The following DAB2IP variants were observed in gnomAD, a reference collection of about 807,000 sequenced individuals.
DAB2IP encodes the protein DAB2 interacting protein, also known as disabled homolog 2-interacting protein.
Under a neutral mutation model 107.2 loss-of-function variants are expected in DAB2IP, and 28 were observed. The ratio of observed to expected loss-of-function variants is 0.26; its 90% CI spans 0.19 to 0.36. DAB2IP has a LOEUF of 0.36. Ranked by LOEUF, DAB2IP falls within the 10% of genes least tolerant of loss-of-function variation. The pLI is 1.00. For synonymous variants in DAB2IP, 755 were observed against 706.4 expected (o/e 1.07, Z -1.09); for missense variants, 1,400 against 1,644.7 (o/e 0.85, Z 2.57).
chr9:121,776,452 C>T lies in DAB2IP; in HGVS notation c.3314+61C>T, dbSNP rs1835206802. 3.5e-6 allele frequency: 5 copies of T among 1,443,596 alleles called. No individual in the cohort carries two copies. Among genetic ancestry groups the T allele is most frequent in the South Asian group, 2.9e-5 (2 of 68,362 alleles). The allele number at this position is 1,443,596 out of a possible 1,614,324, so 89.4% of individuals were successfully genotyped here. A position where few individuals can be genotyped will look rare whatever the true frequency, so the allele number is the denominator to read the frequency against. ...CAGGCAGGGCAGCCATCGCTGCCTT[C>T]GAGGAGGCCCCTGGTCGGGGAGCCT... On this transcript the variant is annotated intron_variant, in intron 14 of 15. Coordinates refer to ENST00000408936, the Ensembl canonical transcript of DAB2IP. The surrounding 1 kb of genome is among the most constrained non-coding windows in gnomAD (Gnocchi z 5.4).
At chr9:121,721,989 C>G (rs1389863238) in intron 3 of DAB2IP, among the ~76,000 whole-genome samples, 1 of 152,182 alleles carries the variant, frequency 6.6e-6, no homozygotes, top group Non-Finnish European at 1.5e-5. Context: ...CCCAGGCTGC[C>G]CTGAGAGCCT....
chr9:121,737,096 A>G, intron 3 of DAB2IP: 1 of 783,166 alleles, frequency 1.3e-6, no homozygotes, highest in South Asian at 5.8e-5. Flanking sequence ...GGCTTGGGGC[A>G]GGATATGACC....
chr9:121,768,078 A>G (rs1834414309), intron 9 of DAB2IP, among the ~76,000 whole-genome samples: 1 of 152,084 alleles, frequency 6.6e-6, no homozygotes, highest in Admixed American at 6.5e-5. Context: ...ATATATTAAT[A>G]CATGCCTGAA....
chr9:121,706,130 C>A (rs775737336), intron 3 of DAB2IP, among the ~76,000 whole-genome samples: 1 of 152,196 alleles, frequency 6.6e-6, no homozygotes, highest in East Asian at 1.9e-4. Context: ...GCACGAAGAA[C>A]CTCTGGTGGT....
At chr9:121,667,857 C>A (rs901473308) in intron 1 of DAB2IP, among the ~76,000 whole-genome samples, 6 of 152,172 alleles carry the variant, frequency 3.9e-5, no homozygotes, top group African/African-American at 1.4e-4. Flanking sequence ...CTGATAAAGA[C>A]ATACCCAAGA....
chr9:121,574,519 G>A lies in DAB2IP; in HGVS notation c.40+7291G>A, dbSNP rs559509878. On this transcript the variant is annotated intron_variant, in intron 1 of 16. Coordinates refer to the DAB2IP transcript ENST00000259371. ...ATTAGGCCAAGGATGCAGAGCTGGG[G>A]TCCTATTTATGAGCATTTACTGTGT... is the stretch of plus-strand genomic sequence containing the variant. 2.6e-5 allele frequency among the ~76,000 whole-genome samples: 4 copies of A among 152,160 alleles called. No individual in the cohort carries two copies. In the South Asian group the frequency reaches 6.2e-4, roughly 24 times the overall value.
At chr9:121,674,910 A>G (rs977132786) in intron 1 of DAB2IP, among the ~76,000 whole-genome samples, 1 of 151,184 alleles carries the variant, frequency 6.6e-6, no homozygotes, top group East Asian at 2.0e-4. Context: ...GTGTGTGTGT[A>G]TGTGTCAGGA....
intron 1 of DAB2IP, among the ~76,000 whole-genome samples, chr9:121,661,620 G>T (rs1457517130): frequency 6.6e-6 from 1 of 152,048 alleles, no homozygotes; most frequent in African/African-American, 2.4e-5. Context: ...GTTATGGAAG[G>T]TCCCCGGGAG....
intron 3 of DAB2IP, among the ~76,000 whole-genome samples, chr9:121,745,240 G>C (rs1832644575): frequency 6.6e-6 from 1 of 152,204 alleles, no homozygotes; most frequent in Admixed American, 6.5e-5. Flanking sequence ...AGGTATGTGG[G>C]CTCACTGTGG....
intron 1 of DAB2IP, among the ~76,000 whole-genome samples, chr9:121,618,021 G>T (rs1405871151): frequency 6.6e-6 from 1 of 152,180 alleles, no homozygotes; most frequent in Non-Finnish European, 1.5e-5. Context: ...CACCTTTTGT[G>T]GCCAGCTCAG....
At chr9:121,621,443 C>G (rs1361684312) in intron 1 of DAB2IP, among the ~76,000 whole-genome samples, 2 of 152,118 alleles carry the variant, frequency 1.3e-5, no homozygotes, top group African/African-American at 4.8e-5. Flanking sequence ...CAACCCACTC[C>G]ATGGCCTCTA....
exon 16 of DAB2IP, chr9:121,783,615 G>T: frequency 2.5e-6 from 4 of 1,580,288 alleles, no homozygotes; most frequent in Non-Finnish European, 3.5e-6. Context: ...CACTGCATGG[G>T]AAATAGCGGC....
intron 1 of DAB2IP, among the ~76,000 whole-genome samples, chr9:121,591,901 G>T (rs1830428475): frequency 6.6e-6 from 1 of 152,180 alleles, no homozygotes; most frequent in African/African-American, 2.4e-5. Flanking sequence ...AGGAGGAGAA[G>T]TGACCAGAGA....
chr9:121,756,826 G>A (rs1023351516), intron 3 of DAB2IP, among the ~76,000 whole-genome samples, 187 bp from the exon 4 acceptor site: 2 of 152,208 alleles, frequency 1.3e-5, no homozygotes, highest in African/African-American at 2.4e-5. Context: ...TCTTGCAGTC[G>A]GGAGGAGGTT....
chr9:121,698,138 G>A lies in DAB2IP; in HGVS notation c.229-1187G>A, dbSNP rs995808406. 1.3e-5 allele frequency among the ~76,000 whole-genome samples: 2 copies of A among 152,154 alleles called. No individual in the cohort carries two copies. The highest frequency in any genetic ancestry group is 4.8e-5 in the African/African-American group (2 of 41,424). Reference sequence around the variant, plus strand: ...CTTTATTTTGTGATGGATGGAATGTGGTATTTGGATTATGTACATTAACCT... The same window carrying A: ...CTTTATTTTGTGATGGATGGAATGTAGTATTTGGATTATGTACATTAACCT... On this transcript the variant is annotated intron_variant, in intron 2 of 15. Transcript: ENST00000408936. The surrounding 1 kb of genome is among the most constrained non-coding windows in gnomAD (Gnocchi z 4.1).
intron 3 of DAB2IP, chr9:121,737,703 T>C (rs1216141171): frequency 2.0e-6 from 2 of 985,230 alleles, no homozygotes; most frequent in South Asian, 4.7e-5. Flanking sequence ...AGGCCTGCGC[T>C]CCCACCACAA....
At chr9:121,622,714 ATTG>A (rs1831516483) in intron 1 of DAB2IP, among the ~76,000 whole-genome samples, 1 of 152,124 alleles carries the variant, frequency 6.6e-6, no homozygotes, top group African/African-American at 2.4e-5. Flanking sequence ...ACAGATGTCA[ATTG>A]TTAATAGCTG....
chr9:121,677,950 C>T (rs1828352649), intron 1 of DAB2IP, among the ~76,000 whole-genome samples: 1 of 152,130 alleles, frequency 6.6e-6, no homozygotes, highest in Non-Finnish European at 1.5e-5. Flanking sequence ...GTGTGAGCCA[C>T]TGTGCCAGGC....
intron 1 of DAB2IP, among the ~76,000 whole-genome samples, chr9:121,642,021 C>CTTTCTTTCTTTCTTTCTTTCTT (rs1554718274): frequency 1.6e-4 from 2 of 12,468 alleles, no homozygotes; most frequent in African/African-American, 6.8e-4. Context: ...CTCTCTCTCT[C>CTTTCTTTCTTTCTTTCTTTCTT]TCTCTCTCTC....
Sources: gnomAD v4.1 joint callset for allele counts (sites outside exome capture counted in the v4.1 genomes callset) on GRCh38, gnomAD v4.1.1 for gene constraint, Gnocchi (gnomAD v3.1) non-coding constraint, MANE v1.5 for transcripts, NCBI Gene and HGNC (gene_info 2026-07-23, HGNC 2026-07-21) for gene names.